Variants in SRP19 observed in about 807,000 individuals in gnomAD.
SRP19 encodes signal recognition particle 19 kDa protein.
A neutral mutation model predicts 22.4 loss-of-function variants in SRP19; 11 were observed. That is an observed-to-expected ratio of 0.49 (90% CI 0.31 to 0.81). The LOEUF is 0.81. Ranked by LOEUF, SRP19 falls within the 40% of genes least tolerant of loss-of-function variation. The probability of loss-of-function intolerance (pLI) is 0.05; values close to 1 mark genes in which losing one functional copy is unlikely to be tolerated. For synonymous variants in SRP19, 61 were observed against 57.6 expected (o/e 1.06, Z -0.27); for missense variants, 168 against 175.9 (o/e 0.96, Z 0.25).
rs1314581713 is a variant in SRP19, at chr5:112,869,229, A to G, written c.*1692A>G. The G allele has an allele frequency of 1.3e-5, 2 of 151,998 alleles. No homozygotes were observed. The highest frequency in any genetic ancestry group is 1.5e-5 in the Non-Finnish European group (1 of 68,006). The allele number at this position is 151,998 out of a possible 1,614,324, so 9.4% of individuals were successfully genotyped here. On this transcript the variant is annotated 3_prime_UTR_variant, in exon 5 of 5. Coordinates refer to ENST00000505459, the MANE Select transcript of SRP19 (RefSeq NM_003135.3). ...CTGCTGTCCATGACATATTTCTAAC[A>G]CCTTTATGATTATTGTTCCTGCTTG... is the stretch of plus-strand genomic sequence containing the variant.
chr5:112,865,896 T>G (rs1242922892), intron 4 of SRP19, among the ~76,000 whole-genome samples: 1 of 152,106 alleles, frequency 6.6e-6, no homozygotes, highest in Admixed American at 6.5e-5. Context: ...CCGGCCTGAT[T>G]TTTTTAAAAT....
rs1177925964 is a variant in SRP19 at position 112,861,355 on chromosome 5, G to A, written c.-22G>A. 1 of 1,614,188 alleles carries A rather than the reference G, an allele frequency of 6.2e-7. No individual in the cohort carries two copies. Among genetic ancestry groups the A allele is most frequent in the South Asian group, 1.1e-5 (1 of 91,084 alleles). ...GCCGGGTTTCTCCCTGCGGCTCCTG[G>A]GTTGTTGAGACTCTTGTGAAGATGG... On this transcript the variant is annotated 5_prime_UTR_variant, in exon 1 of 5. Transcript: ENST00000505459.
At chr5:112,889,708 G>A (rs978235370) in intron 4 of SRP19, among the ~76,000 whole-genome samples, 1 of 150,406 alleles carries the variant, frequency 6.6e-6, no homozygotes, top group Non-Finnish European at 1.5e-5. Flanking sequence ...TGATATACTA[G>A]CCAGGCTTAC....
Position 112,866,501 on chromosome 5 carries a change from T to C in SRP19, c.302-903T>C, listed in dbSNP as rs527546130. ...AGCTGGGAATATCGGCACATGATTT[T>C]TTATTTTTTCTAGAGATGGGGTTTT... is the stretch of plus-strand genomic sequence containing the variant. On this transcript the variant is annotated intron_variant, in intron 4 of 4. Coordinates refer to ENST00000505459, the MANE Select transcript of SRP19 (RefSeq NM_003135.3). Among the ~76,000 whole-genome samples, 5 of 152,216 alleles carry C rather than the reference T, an allele frequency of 3.3e-5. No individual in the cohort carries two copies. In the East Asian group the frequency reaches 9.7e-4, roughly 29 times the overall value.
intron 4 of SRP19, chr5:112,891,499 T>A: frequency 8.7e-7 from 1 of 1,151,468 alleles, no homozygotes; most frequent in Non-Finnish European, 1.2e-6. Flanking sequence ...ATTTGTAATA[T>A]ATATAAGTAT....
intron 4 of SRP19, among the ~76,000 whole-genome samples, chr5:112,888,528 T>A (rs570368250): frequency 6.6e-6 from 1 of 152,318 alleles, no homozygotes; most frequent in East Asian, 1.9e-4. Flanking sequence ...GTTCAAACAA[T>A]CTTCCCACAG....
chr5:112,863,495 C>G (rs1423142623), intron 2 of SRP19, among the ~76,000 whole-genome samples: 1 of 152,114 alleles, frequency 6.6e-6, no homozygotes, highest in African/African-American at 2.4e-5. Flanking sequence ...CTCCAGCCCC[C>G]CATCCCCTAG....
At chr5:112,881,267 G>A (rs1379741870) in intron 4 of SRP19, among the ~76,000 whole-genome samples, 1 of 152,044 alleles carries the variant, frequency 6.6e-6, no homozygotes, top group African/African-American at 2.4e-5. Flanking sequence ...AGAGAGGTCT[G>A]TGAGGGAGAA....
rs964412414 is a variant in SRP19 at position 112,868,108 on chromosome 5, G to T, written c.*571G>T. 1.0e-6 allele frequency: 1 copy of T among 985,392 alleles called. No individual in the cohort carries two copies. The allele number at this position is 985,392 out of a possible 1,614,324, so 61.0% of individuals were successfully genotyped here. On this transcript the variant is annotated 3_prime_UTR_variant, in exon 5 of 5. Transcript: ENST00000505459. ...TATATTATTGTAATCGAATCGTTCA[G>T]TTGTTTTTTGACATGGAAAGTCCTG...
chr5:112,867,735 A>G lies in SRP19; in HGVS notation c.*198A>G, dbSNP rs1767655567. On this transcript the variant is annotated 3_prime_UTR_variant, in exon 5 of 5. Coordinates refer to ENST00000505459, the MANE Select transcript of SRP19 (RefSeq NM_003135.3). ...AGTTTGCATCTCGCGTATATGCCGT[A>G]TAAAAGAATTTTTTTGTCTTTCAAT... 7.8e-7 allele frequency: 1 copy of G among 1,281,872 alleles called. No homozygotes were observed. The allele number at this position is 1,281,872 out of a possible 1,614,324, so 79.4% of individuals were successfully genotyped here.
At chr5:112,865,443 ATGT>A (rs1418051803) in intron 4 of SRP19, among the ~76,000 whole-genome samples, 6 of 152,208 alleles carry the variant, frequency 3.9e-5, no homozygotes, top group Admixed American at 2.6e-4. Context: ...TTTTGTTTGC[ATGT>A]TGTTTATTTT....
Position 112,877,063 on chromosome 5 carries a change from AT to A in SRP19, c.301+12338del, listed in dbSNP as rs1391216181. ...ATTTAAATACTCCTAGATACTTAAA[AT>A]TTTTTTAATCTAAAAGTTGATTTTC... On this transcript the variant is annotated intron_variant, in intron 4 of 4. Transcript: ENST00000391338. The A allele has an allele frequency of 3.9e-5, 6 of 152,168 alleles. No individual in the cohort carries two copies. The East Asian group carries it at 1.2e-3, about 29-fold the overall frequency. 9.4% of individuals were successfully genotyped at this position (152,168 alleles called of 1,614,324 possible).
rs73220042 is a variant in SRP19, at chr5:112,861,349, C to T, written c.-28C>T. On this transcript the variant is annotated 5_prime_UTR_variant, in exon 1 of 5. Transcript: ENST00000505459. The stretch of plus-strand genomic sequence containing the variant: ...GTTTCTGCCGGGTTTCTCCCTGCGG[C>T]TCCTGGGTTGTTGAGACTCTTGTGA... The T allele has an allele frequency of 5.6e-3, 9,067 of 1,614,080 alleles. 440 individuals are homozygous for T. The African/African-American group carries it at 0.11, about 19-fold the overall frequency.
Position 112,861,373 on chromosome 5 carries a change from G to C in SRP19, c.-4G>C. 6.2e-7 allele frequency: 1 copy of C among 1,614,212 alleles called. No individual in the cohort carries two copies. The highest frequency in any genetic ancestry group is 8.5e-7 in the Non-Finnish European group (1 of 1,180,052). On this transcript the variant is annotated 5_prime_UTR_variant, in exon 1 of 5. Transcript: ENST00000505459. ...GCTCCTGGGTTGTTGAGACTCTTGT[G>C]AAGATGGCTTGCGCTGCCGCGCGGT...
exon 5 of SRP19, chr5:112,891,727 A>T (rs745876385): frequency 2.8e-5 from 46 of 1,614,154 alleles, no homozygotes; most frequent in Non-Finnish European, 3.8e-5. Flanking sequence ...CGCCCTGAAG[A>T]AGGAGAAACG....
intron 4 of SRP19, among the ~76,000 whole-genome samples, chr5:112,865,456 T>G (rs74593183): frequency 0.02 from 3,032 of 152,316 alleles, 93 homozygotes; most frequent in African/African-American, 0.069. Flanking sequence ...TTGTTTATTT[T>G]TCTGAATTTT....
At chr5:112,875,376 T>G (rs1191546884) in intron 4 of SRP19, among the ~76,000 whole-genome samples, 1 of 151,588 alleles carries the variant, frequency 6.6e-6, no homozygotes, top group Non-Finnish European at 1.5e-5. Flanking sequence ...TTTTTGGTTT[T>G]TTTTTTTTTT....
At chr5:112,875,104 C>G (rs1767865172) in intron 4 of SRP19, among the ~76,000 whole-genome samples, 1 of 152,114 alleles carries the variant, frequency 6.6e-6, no homozygotes, top group African/African-American at 2.4e-5. Flanking sequence ...AAGCATCGAT[C>G]TAACCAAGGA....
chr5:112,878,648 C>G (rs981127242), intron 4 of SRP19: 1 of 1,259,072 alleles, frequency 7.9e-7, no homozygotes, highest in Non-Finnish European at 1.1e-6. Flanking sequence ...AAGAAACTTA[C>G]AACACATTCC....
Sources: gnomAD v4.1 joint callset for allele counts (sites outside exome capture counted in the v4.1 genomes callset) on GRCh38, gnomAD v4.1.1 for gene constraint, MANE v1.5 for transcripts, NCBI Gene and HGNC (gene_info 2026-07-23, HGNC 2026-07-21) for gene names.